GALNT13: variants seen among roughly 807,000 people sequenced by gnomAD.
GALNT13 encodes the protein UDP-GalNAc:polypeptide N-acetylgalactosaminyltransferase 13.
In GALNT13, 28 loss-of-function variants were observed where a neutral mutation model predicts 64.2. The ratio of observed to expected loss-of-function variants is 0.44; its 90% confidence interval spans 0.32 to 0.60. The LOEUF is 0.60. GALNT13 is among the 20% of genes least tolerant of loss of function. The pLI, the probability that GALNT13 is intolerant of heterozygous loss-of-function variation, is 0.05. For synonymous variants in GALNT13, 214 were observed against 224.6 expected, an observed-to-expected ratio of 0.95 and a Z score of 0.42; for missense variants, 577 against 669.8, an observed-to-expected ratio of 0.86 and a Z score of 1.53.
chr2:153,772,169 C>G, the GALNT13 span, among the ~76,000 whole-genome samples: 12 of 152,226 alleles, frequency 7.9e-5, no homozygotes, highest in Non-Finnish European at 1.3e-4. Flanking sequence ...AGAGCAACTA[C>G]TCCAATCTCT....
chr2:153,237,207 T>A, the GALNT13 span, among the ~76,000 whole-genome samples: 37 of 152,068 alleles, frequency 2.4e-4, no homozygotes, highest in Non-Finnish European at 4.7e-4. Flanking sequence ...TCTTAAAAAT[T>A]TTTTTGGGTA....
intron 9 of GALNT13, among the ~76,000 whole-genome samples, chr2:154,322,318 G>A (rs574050845): frequency 6.6e-6 from 1 of 151,676 alleles, no homozygotes; most frequent in African/African-American, 2.4e-5. Context: ...TGAAATACAA[G>A]ACCATTTTCT....
At chr2:154,439,358 T>C (rs1701164659) in intron 12 of GALNT13, among the ~76,000 whole-genome samples, 1 of 152,158 alleles carries the variant, frequency 6.6e-6, no homozygotes, top group Admixed American at 6.5e-5. Flanking sequence ...ATGGAGCTAA[T>C]AAAAAAGAAA....
intron 4 of GALNT13, among the ~76,000 whole-genome samples, chr2:154,151,704 T>C (rs562778057): frequency 1.4e-4 from 22 of 152,348 alleles, no homozygotes; most frequent in African/African-American, 4.3e-4. Flanking sequence ...TTGTCTCTTT[T>C]GATCTTTGTT....
the GALNT13 span, among the ~76,000 whole-genome samples, chr2:153,099,658 A>G: frequency 6.6e-6 from 1 of 152,186 alleles, no homozygotes; most frequent in African/African-American, 2.4e-5. Context: ...TTATAGGTGT[A>G]ACTCTATTTA....
chr2:153,476,636 A>T, the GALNT13 span, among the ~76,000 whole-genome samples: 1 of 152,114 alleles, frequency 6.6e-6, no homozygotes, highest in African/African-American at 2.4e-5. Context: ...CTCATCTCCC[A>T]CATTCAGGAC....
the GALNT13 span, among the ~76,000 whole-genome samples, chr2:153,770,195 C>G: frequency 8.9e-6 from 1 of 112,356 alleles, no homozygotes; most frequent in South Asian, 3.2e-4. Flanking sequence ...GGCTTTTTCT[C>G]CTCTGGATAA....
chr2:153,994,538 G>A (rs1181068982), intron 3 of GALNT13, among the ~76,000 whole-genome samples: 1 of 152,178 alleles, frequency 6.6e-6, no homozygotes, highest in Non-Finnish European at 1.5e-5. Flanking sequence ...CACCAAAAGT[G>A]TAAAAGTGTT....
chr2:153,229,752 A>G, the GALNT13 span, among the ~76,000 whole-genome samples: 2 of 152,248 alleles, frequency 1.3e-5, no homozygotes, highest in South Asian at 2.1e-4. Flanking sequence ...GCACTTGGCA[A>G]TTAAATTCCT....
chr2:153,634,954 C>T, the GALNT13 span, among the ~76,000 whole-genome samples: 2 of 151,964 alleles, frequency 1.3e-5, no homozygotes, highest in Non-Finnish European at 2.9e-5. Flanking sequence ...GGGAGGCAGG[C>T]ATCTTGATCT....
the GALNT13 span, among the ~76,000 whole-genome samples, chr2:153,606,653 C>G: frequency 1.3e-5 from 2 of 152,070 alleles, no homozygotes; most frequent in African/African-American, 4.8e-5. Context: ...CTTGAACTCT[C>G]AGGCCAAATT....
intron 3 of GALNT13, among the ~76,000 whole-genome samples, chr2:154,002,046 T>C (rs889331556): frequency 1.1e-4 from 16 of 152,250 alleles, no homozygotes; most frequent in Admixed American, 3.9e-4. Context: ...GGAAGCTCTA[T>C]TGGGGCTCTG....
chr2:154,370,113 G>A (rs1020464517), intron 9 of GALNT13, among the ~76,000 whole-genome samples: 7 of 152,094 alleles, frequency 4.6e-5, no homozygotes, highest in Admixed American at 2.6e-4. Context: ...ATCATATTGG[G>A]GGTTAGTGTT....
intron 9 of GALNT13, among the ~76,000 whole-genome samples, chr2:154,321,402 A>G (rs919584191): frequency 1.3e-5 from 2 of 152,206 alleles, no homozygotes; most frequent in East Asian, 3.8e-4. Context: ...TCTTTTAAAA[A>G]TGCAATTTAT....
the GALNT13 span, among the ~76,000 whole-genome samples, chr2:153,399,307 C>T: frequency 3.1e-4 from 47 of 152,268 alleles, no homozygotes; most frequent in African/African-American, 9.1e-4. Flanking sequence ...GGCAGTACCA[C>T]GCTGTTTTGG....
intron 9 of GALNT13, among the ~76,000 whole-genome samples, chr2:154,315,703 G>C (rs1395968910): frequency 6.6e-6 from 1 of 152,152 alleles, no homozygotes; most frequent in Non-Finnish European, 1.5e-5. Flanking sequence ...TTAAATGATT[G>C]TTATATTTTA....
chr2:153,940,646 A>G (rs771537980), intron 2 of GALNT13, among the ~76,000 whole-genome samples: 13 of 152,104 alleles, frequency 8.5e-5, no homozygotes, highest in Non-Finnish European at 1.6e-4. Context: ...CTTACTCACT[A>G]CGTTTATCAG....
chr2:153,214,565 A>T, the GALNT13 span, among the ~76,000 whole-genome samples: 1 of 152,126 alleles, frequency 6.6e-6, no homozygotes, highest in Non-Finnish European at 1.5e-5. Context: ...TACATTAAAC[A>T]ACCATGTGCT....
the GALNT13 span, among the ~76,000 whole-genome samples, chr2:153,635,428 G>GTATA: frequency 3.5e-5 from 5 of 142,516 alleles, no homozygotes; most frequent in Admixed American, 7.1e-5. Flanking sequence ...ACATATATAT[G>GTATA]TATATATATA....
Sources: gnomAD v4.1 joint callset for allele counts (sites outside exome capture counted in the v4.1 genomes callset) on GRCh38, gnomAD v4.1.1 for gene constraint, MANE v1.5 for transcripts, NCBI Gene and HGNC (gene_info 2026-07-23, HGNC 2026-07-21) for gene names.